Variants in PRRC2C observed in about 807,000 individuals in gnomAD.
The protein encoded by PRRC2C is proline rich coiled-coil 2C.
PRRC2C carries 72 observed loss-of-function variants against 317.2 expected under a neutral mutation model. The observed-to-expected ratio is 0.23, with a 90% confidence interval of 0.19 to 0.28. The LOEUF is 0.28. Ranked by LOEUF, PRRC2C falls within the 10% of genes least tolerant of loss-of-function variation. PRRC2C has a pLI of 1.00. For missense variants in PRRC2C, 3,074 were observed against 3,459.7 expected (o/e 0.89, Z 2.80); for synonymous variants, 1,296 against 1,205.9 (o/e 1.07, Z -1.55).
chr1:171,574,176 C>T (rs1477633025), intron 24 of PRRC2C, among the ~76,000 whole-genome samples: 1 of 151,666 alleles, frequency 6.6e-6, no homozygotes, highest in Non-Finnish European at 1.5e-5. Context: ...TATAAAATAT[C>T]AATTTATGTT....
intron 6 of PRRC2C, among the ~76,000 whole-genome samples, chr1:171,518,963 A>C (rs1403822868): frequency 1.3e-5 from 2 of 150,430 alleles, no homozygotes; most frequent in East Asian, 2.0e-4. Flanking sequence ...GCTCACTGCA[A>C]CCTCTGCCTC....
Position 171,579,387 on chromosome 1 carries a change from A to G in PRRC2C, c.7193A>G (p.His2398Arg). The G allele has an allele frequency of 3.1e-6, 5 of 1,613,956 alleles. No individual in the cohort carries two copies. Among genetic ancestry groups the G allele is most frequent in the East Asian group, 2.2e-5 (1 of 44,878 alleles). Residue 2398 changes from histidine (H) to arginine (R), a missense_variant, in exon 27 of 35, where the codon CAT (histidine) becomes CGT (arginine). Around this residue, in one of 11 missense-constraint regions of PRRC2C, gnomAD observed 490 missense variants for 663.1 expected, o/e 0.74. Transcript: ENST00000647382. Reference sequence around the variant, plus strand: ...CCAGCCTTCTATATGGACACAAGTCATTTATTCAATACCCAACATGCACGA... The same window carrying G: ...CCAGCCTTCTATATGGACACAAGTCGTTTATTCAATACCCAACATGCACGA... ...QIPAFYMDTS[H>R]LFNTQHARLA... is the part of the protein sequence containing the mutation.
intron 20 of PRRC2C, among the ~76,000 whole-genome samples, chr1:171,564,172 G>A (rs938614078): frequency 6.6e-6 from 1 of 152,062 alleles, no homozygotes; most frequent in Non-Finnish European, 1.5e-5. Flanking sequence ...CTTTTTCTTA[G>A]ATTATTCTAG....
In PRRC2C at chr1:171,492,710, A is replaced by C. The variant is rs552025016; in HGVS notation, c.-58+6975A>C. 1.2e-4 allele frequency among the ~76,000 whole-genome samples: 18 copies of C among 150,520 alleles called. No homozygotes were observed. The South Asian group carries it at 3.8e-3, about 32-fold the overall frequency. On this transcript the variant is annotated intron_variant, in intron 1 of 34. Transcript: ENST00000647382. ...TTAAGGTGACCCTGTTTCTTATTAAAAGCAAGAGGGTAGGGGAATTTTTTT... is the reference window on the plus strand; with the variant it reads ...TTAAGGTGACCCTGTTTCTTATTAACAGCAAGAGGGTAGGGGAATTTTTTT...
chr1:171,526,725 A>T (rs1018492359), intron 10 of PRRC2C, among the ~76,000 whole-genome samples: 1 of 151,072 alleles, frequency 6.6e-6, no homozygotes, highest in Admixed American at 6.6e-5. Flanking sequence ...AATGAGTGAT[A>T]TGCTTTTATT....
intron 1 of PRRC2C, among the ~76,000 whole-genome samples, chr1:171,486,059 G>C (rs1051266958): frequency 4.0e-5 from 6 of 151,346 alleles, no homozygotes; most frequent in Admixed American, 2.6e-4. Context: ...GCATGTTGCC[G>C]GGTAAGCGAA....
chr1:171,584,626 G>T, intron 30 of PRRC2C, 100 bp downstream of exon 30: 2 of 1,362,282 alleles, frequency 1.5e-6, no homozygotes, highest in Non-Finnish European at 2.0e-6. Flanking sequence ...ATGCAAGATG[G>T]AGGATGGTTT....
intron 11 of PRRC2C, among the ~76,000 whole-genome samples, chr1:171,531,383 C>T (rs1675833868): frequency 6.6e-6 from 1 of 152,154 alleles, no homozygotes; most frequent in Non-Finnish European, 1.5e-5. Context: ...TTTGGTTTTT[C>T]AGCTTATCTC....
At chr1:171,506,676 A>AT (rs1019310237) in intron 1 of PRRC2C, among the ~76,000 whole-genome samples, 7 of 76,732 alleles carry the variant, frequency 9.1e-5, no homozygotes, top group African/African-American at 3.1e-4. Context: ...CAGATTCACT[A>AT]TTTTTTTTCT....
chr1:171,560,538 A>G (rs1682471214), intron 19 of PRRC2C, among the ~76,000 whole-genome samples: 1 of 152,244 alleles, frequency 6.6e-6, no homozygotes, highest in African/African-American at 2.4e-5. Context: ...CAGCCATGCT[A>G]GCTTTCAGCA....
chr1:171,564,214 A>C (rs1293069859), intron 20 of PRRC2C, among the ~76,000 whole-genome samples: 3 of 152,094 alleles, frequency 2.0e-5, no homozygotes, highest in Admixed American at 2.0e-4. Flanking sequence ...TATTTTACTT[A>C]AAGTTATCAA....
chr1:171,519,147 G>T (rs1235701592), intron 6 of PRRC2C, among the ~76,000 whole-genome samples: 1 of 152,090 alleles, frequency 6.6e-6, no homozygotes, highest in Non-Finnish European at 1.5e-5. Flanking sequence ...GCCTCCCAAA[G>T]TGCTGGGATT....
chr1:171,557,795 A>C lies in PRRC2C; in HGVS notation c.5683A>C (p.Ile1895Leu), dbSNP rs749056972. Residue 1895 changes from isoleucine (I) to leucine (L), a missense_variant, in exon 19 of 35, where the codon ATC becomes CTC. Physicochemically the swap from Ile to Leu is conservative, Grantham distance 5 (BLOSUM62 2). This residue lies in a region of PRRC2C where 640 missense variants were observed against 676.1 expected (regional missense o/e 0.95). Coordinates refer to ENST00000647382, the MANE Select transcript of PRRC2C (RefSeq NM_001387844.1). ...PAAPVITAPT[I>L]PASAPTASVP... ...TGCCCCAGTCATCACAGCACCAACT[A>C]TCCCAGCCTCAGCCCCAACTGCCTC... The C allele has an allele frequency of 2.6e-6, 4 of 1,549,704 alleles. No homozygotes were observed. The highest frequency in any genetic ancestry group is 2.6e-6 in the Non-Finnish European group (3 of 1,146,124).
intron 18 of PRRC2C, among the ~76,000 whole-genome samples, chr1:171,554,102 A>G (rs1447476314): frequency 6.6e-6 from 1 of 152,162 alleles, no homozygotes; most frequent in Non-Finnish European, 1.5e-5. Context: ...GTGGGAGTCT[A>G]AGTCTCTTTG....
At chr1:171,486,642 C>T (rs995058033) in intron 1 of PRRC2C, among the ~76,000 whole-genome samples, 4 of 152,140 alleles carry the variant, frequency 2.6e-5, no homozygotes, top group African/African-American at 9.7e-5. Flanking sequence ...TCCGCATTGG[C>T]TGGTTTTCAG....
chr1:171,512,781 T>C, intron 2 of PRRC2C: 1 of 429,036 alleles, frequency 2.3e-6, no homozygotes, highest in East Asian at 3.7e-5. Context: ...TGTTAAATTT[T>C]TTAAGGAATC....
rs373271797 is a variant in PRRC2C at position 171,515,728 on chromosome 1, C to G, written c.401-6C>G. The G allele has an allele frequency of 1.3e-6, 2 of 1,583,542 alleles. No individual in the cohort carries two copies. The highest frequency in any genetic ancestry group is 2.3e-5 in the South Asian group (2 of 87,182). On this transcript the variant is annotated splice_region_variant and splice_polypyrimidine_tract_variant and intron_variant, in intron 4 of 34. Transcript: ENST00000647382. ...ACCTTTAATGTTTTTTTAAAAAAAT[C>G]TATAGGAATCCAAGTGAATAGTCAG...
At chr1:171,543,818 G>A (rs901071541) in intron 16 of PRRC2C, among the ~76,000 whole-genome samples, 2 of 152,182 alleles carry the variant, frequency 1.3e-5, no homozygotes, top group Admixed American at 6.5e-5. Flanking sequence ...AAAGTCGAAG[G>A]TTGAGGGGGC....
Position 171,541,112 on chromosome 1 carries a change from C to T in PRRC2C, c.3646C>T (p.His1216Tyr). Residue 1216 changes from histidine to tyrosine, a missense_variant, in exon 16 of 35, where the codon CAC (histidine) becomes TAC (tyrosine). By Grantham distance (83) the His-to-Tyr change is moderately conservative. Transcript: ENST00000647382. The surrounding 1 kb of genome is among the most constrained non-coding windows in gnomAD (Gnocchi z 4.1). ...AGGGCGTGGCAGGGGTGGTAGGGGA[C>T]ACACTCGAGATTATCCTCAGTATAG... The part of the protein sequence containing the change: ...YGGRGRGGRG[H>Y]TRDYPQYRDN... The T allele has an allele frequency of 6.2e-7, 1 of 1,613,772 alleles. No individual in the cohort carries two copies.
Sources: allele counts gnomAD v4.1 joint callset (sites outside exome capture counted in the v4.1 genomes callset), GRCh38; gene constraint gnomAD v4.1.1; regional missense constraint gnomAD v4.1.1; non-coding constraint Gnocchi (gnomAD v3.1); transcripts MANE v1.5; gene names NCBI Gene and HGNC (gene_info 2026-07-23, HGNC 2026-07-21).